Variants in LRRC17 observed in about 807,000 individuals in gnomAD.
LRRC17 encodes the protein leucine-rich repeat-containing protein 17.
A neutral mutation model predicts 41.5 loss-of-function variants in LRRC17; 33 were observed. That is an observed-to-expected ratio of 0.80 (90% CI 0.60 to 1.06). The LOEUF (loss-of-function observed/expected upper bound fraction) is 1.06, where lower values mean the gene tolerates loss of function less well. Ranked by LOEUF, LRRC17 falls within the 50% of genes least tolerant of loss-of-function variation. LRRC17 has a pLI of 0.00. For missense variants in LRRC17, 491 were observed against 519.3 expected (o/e 0.95, Z 0.53); for synonymous variants, 192 against 197.0 (o/e 0.97, Z 0.21).
In LRRC17 at chr7:102,933,985, C is replaced by A. The variant is rs1280349616; in HGVS notation, c.72C>A (p.Gly24=). ...CTGAGCTGCGCAAAGCAAGCCCAGG[C>A]AGTGTGAGAAGCCGAGTGAATCATG... The part of the protein sequence containing the change: ...KAAELRKASP[G]SVRSRVNHGR... Residue 24 remains glycine, a synonymous_variant, in exon 2 of 4, where the codon GGC becomes GGA. Coordinates refer to ENST00000339431, the MANE Select transcript of LRRC17 (RefSeq NM_001031692.3). The A allele has an allele frequency of 6.2e-7, 1 of 1,614,142 alleles. No homozygotes were observed. Among genetic ancestry groups the A allele is most frequent in the Non-Finnish European group, 8.5e-7 (1 of 1,179,990 alleles).
chr7:102,923,818 C>T (rs1366157088), intron 1 of LRRC17, among the ~76,000 whole-genome samples: 2 of 151,290 alleles, frequency 1.3e-5, no homozygotes, highest in Admixed American at 6.6e-5. Context: ...GAGCAAGATG[C>T]CATCTCAAAA....
chr7:102,939,395 G>C, intron 2 of LRRC17, 35 bp from the exon 3 acceptor site: 8 of 1,566,998 alleles, frequency 5.1e-6, no homozygotes, highest in Non-Finnish European at 7.0e-6. Flanking sequence ...GGGGCAAAAA[G>C]AGCATAATAA....
intron 1 of LRRC17, chr7:102,931,836 A>T (rs1819234809): frequency 1.3e-6 from 2 of 1,577,746 alleles, no homozygotes; most frequent in African/African-American, 1.3e-5. Flanking sequence ...CAATGTAGCA[A>T]GTCAATCTAT....
intron 1 of LRRC17, among the ~76,000 whole-genome samples, chr7:102,917,142 GA>G (rs1202137089): frequency 6.6e-6 from 1 of 152,184 alleles, no homozygotes; most frequent in Non-Finnish European, 1.5e-5. Flanking sequence ...GAATTCTGCA[GA>G]AAACCTAAAT....
chr7:102,916,827 T>C (rs1287014826), intron 1 of LRRC17, among the ~76,000 whole-genome samples: 1 of 152,096 alleles, frequency 6.6e-6, no homozygotes, highest in Non-Finnish European at 1.5e-5. Context: ...GTGATTTATT[T>C]ATTTATTTTT....
intron 1 of LRRC17, among the ~76,000 whole-genome samples, chr7:102,930,368 C>T (rs1050443131): frequency 1.6e-4 from 25 of 152,226 alleles, no homozygotes; most frequent in African/African-American, 5.8e-4. Context: ...CCATCATCCT[C>T]TATAAACCTG....
At chr7:102,924,781 C>G (rs547898937) in intron 1 of LRRC17, among the ~76,000 whole-genome samples, 1 of 151,910 alleles carries the variant, frequency 6.6e-6, no homozygotes, top group Middle Eastern at 3.4e-3. Context: ...GCTGGGACTA[C>G]AGGCACCCAC....
intron 1 of LRRC17, among the ~76,000 whole-genome samples, chr7:102,924,829 G>C (rs1445973907): frequency 6.6e-6 from 1 of 151,804 alleles, no homozygotes; most frequent in Non-Finnish European, 1.5e-5. Context: ...TTTTAGTAGA[G>C]ACGGGGTTTC....
chr7:102,940,049 C>T (rs1160917768), intron 3 of LRRC17, among the ~76,000 whole-genome samples: 1 of 151,736 alleles, frequency 6.6e-6, no homozygotes, highest in African/African-American at 2.4e-5. Context: ...CATGTGCCAC[C>T]AGGCCTGGCT....
intron 1 of LRRC17, among the ~76,000 whole-genome samples, chr7:102,914,263 G>A (rs1815373627): frequency 6.6e-6 from 1 of 152,192 alleles, no homozygotes; most frequent in East Asian, 1.9e-4. Flanking sequence ...AGTAGAGACA[G>A]GGTTTCACCA....
In LRRC17 at chr7:102,933,771, C is replaced by A; in HGVS notation, c.-140-3C>A. ...TTTTAATATATATTTTTTTCTCTTCCAGCCTAGGGACTCCACGTACCCCAG... is the reference window on the plus strand; with the variant it reads ...TTTTAATATATATTTTTTTCTCTTCAAGCCTAGGGACTCCACGTACCCCAG... On this transcript the variant is annotated splice_region_variant and splice_polypyrimidine_tract_variant and intron_variant, in intron 1 of 3. Coordinates refer to ENST00000339431, the MANE Select transcript of LRRC17 (RefSeq NM_001031692.3). The A allele has an allele frequency of 1.3e-6, 1 of 759,194 alleles. No homozygotes were observed. Among genetic ancestry groups the A allele is most frequent in the Non-Finnish European group, 2.1e-6 (1 of 486,422 alleles). The allele number at this position is 759,194 out of a possible 1,614,324, so 47.0% of individuals were successfully genotyped here.
intron 1 of LRRC17, among the ~76,000 whole-genome samples, chr7:102,915,025 C>T (rs1815554415): frequency 6.6e-6 from 1 of 152,056 alleles, no homozygotes; most frequent in Admixed American, 6.6e-5. Context: ...GTTTTTGAAT[C>T]CGGCCAAATG....
intron 1 of LRRC17, among the ~76,000 whole-genome samples, chr7:102,931,498 A>C (rs145823557): frequency 1.3e-5 from 2 of 152,300 alleles, no homozygotes; most frequent in East Asian, 3.9e-4. Flanking sequence ...ACCAGGAAGA[A>C]AGCAACTAGG....
intron 1 of LRRC17, among the ~76,000 whole-genome samples, chr7:102,932,359 C>T (rs1398526936): frequency 6.6e-6 from 1 of 152,148 alleles, no homozygotes; most frequent in Admixed American, 6.6e-5. Flanking sequence ...ATAGCCACTA[C>T]TTGGATTCTA....
intron 1 of LRRC17, among the ~76,000 whole-genome samples, chr7:102,930,031 G>T (rs1404037365): frequency 6.6e-6 from 1 of 152,062 alleles, no homozygotes; most frequent in Non-Finnish European, 1.5e-5. Flanking sequence ...TAGGGGTGGT[G>T]GGGAGGGAAG....
At chr7:102,914,698 G>T (rs1306996311) in intron 1 of LRRC17, among the ~76,000 whole-genome samples, 1 of 152,210 alleles carries the variant, frequency 6.6e-6, no homozygotes, top group East Asian at 1.9e-4. Flanking sequence ...GGCTGTGTAC[G>T]TGAGATTCGA....
chr7:102,924,249 A>AG (rs890902838), intron 1 of LRRC17, among the ~76,000 whole-genome samples: 1 of 152,018 alleles, frequency 6.6e-6, no homozygotes, highest in African/African-American at 2.4e-5. Context: ...AAAAAAAAAA[A>AG]AAAAAAAGTA....
At chr7:102,913,561 A>G (rs1040536463) in intron 1 of LRRC17, among the ~76,000 whole-genome samples, 1 of 152,214 alleles carries the variant, frequency 6.6e-6, no homozygotes, top group African/African-American at 2.4e-5. Context: ...CCAAATTTGC[A>G]GAGTGTATTG....
chr7:102,923,228 C>T (rs2129471227), intron 1 of LRRC17, among the ~76,000 whole-genome samples: 1 of 152,254 alleles, frequency 6.6e-6, no homozygotes, highest in Non-Finnish European at 1.5e-5. Context: ...ACATGACCTA[C>T]TTTTAAATTT....
Sources: allele counts gnomAD v4.1 joint callset (sites outside exome capture counted in the v4.1 genomes callset), GRCh38; gene constraint gnomAD v4.1.1; transcripts MANE v1.5; gene names NCBI Gene and HGNC (gene_info 2026-07-23, HGNC 2026-07-21).